The following FNIP1 variants were observed in gnomAD, a reference collection of about 807,000 sequenced individuals.
FNIP1 encodes the protein folliculin-interacting protein 1.
Under a neutral mutation model 124.5 loss-of-function variants are expected in FNIP1, and 40 were observed. The ratio of observed to expected loss-of-function variants is 0.32; its 90% CI spans 0.25 to 0.42. The LOEUF is 0.42. Among genes scored for constraint, FNIP1 ranks in the 10% least tolerant of loss-of-function variants. FNIP1 has a pLI of 1.00. For missense variants in FNIP1, 1,176 were observed against 1,403.7 expected (o/e 0.84, Z 2.59); for synonymous variants, 472 against 470.6 (o/e 1.00, Z -0.04).
chr5:131,770,106 C>T (rs1462618522), intron 1 of FNIP1, among the ~76,000 whole-genome samples: 1 of 152,178 alleles, frequency 6.6e-6, no homozygotes. Context: ...TATGTCCCAA[C>T]TCTGCTATTT....
At chr5:131,772,902 A>C (rs1771688264) in intron 1 of FNIP1, among the ~76,000 whole-genome samples, 1 of 152,132 alleles carries the variant, frequency 6.6e-6, no homozygotes, top group Admixed American at 6.5e-5. Flanking sequence ...TAAAACACAA[A>C]GCTGATTGTA....
intron 2 of FNIP1, among the ~76,000 whole-genome samples, chr5:131,731,967 TAATA>T (rs1770109077): frequency 6.6e-6 from 1 of 152,230 alleles, no homozygotes. Flanking sequence ...TATACTAATG[TAATA>T]AATAAAATTT....
intron 1 of FNIP1, among the ~76,000 whole-genome samples, chr5:131,747,751 G>C (rs898243832): frequency 4.0e-5 from 6 of 151,682 alleles, no homozygotes; most frequent in African/African-American, 1.5e-4. Context: ...ACAGACAACT[G>C]GTAAGAAAAA....
intron 11 of FNIP1, among the ~76,000 whole-genome samples, chr5:131,684,192 T>C (rs1768190055): frequency 6.6e-6 from 1 of 152,162 alleles, no homozygotes; most frequent in African/African-American, 2.4e-5. Context: ...TTGTTAACAG[T>C]ATGAGAATTA....
intron 1 of FNIP1, among the ~76,000 whole-genome samples, chr5:131,748,363 G>A (rs1008919136): frequency 3.3e-5 from 5 of 152,028 alleles, no homozygotes; most frequent in Admixed American, 1.3e-4. Flanking sequence ...AAGGTATTAC[G>A]GATACAATTA....
chr5:131,646,790 GT>G (rs1766896458), intron 17 of FNIP1, among the ~76,000 whole-genome samples: 1 of 152,180 alleles, frequency 6.6e-6, no homozygotes, highest in Non-Finnish European at 1.5e-5. Context: ...GGAATAATGA[GT>G]TTGCAACATA....
intron 1 of FNIP1, among the ~76,000 whole-genome samples, chr5:131,763,288 T>TACACACAC (rs34544569): frequency 0.024 from 3,534 of 148,398 alleles, 121 homozygotes; most frequent in African/African-American, 0.077. Context: ...CAAATGCAAA[T>TACACACAC]ACACACACAC....
intron 6 of FNIP1, among the ~76,000 whole-genome samples, chr5:131,713,187 G>A (rs1451564348): frequency 6.6e-6 from 1 of 152,124 alleles, no homozygotes; most frequent in Non-Finnish European, 1.5e-5. Flanking sequence ...GGGACTACAG[G>A]CGCCCGCCAC....
intron 1 of FNIP1, among the ~76,000 whole-genome samples, chr5:131,784,582 A>G (rs1772099842): frequency 6.6e-6 from 1 of 152,090 alleles, no homozygotes. Flanking sequence ...GCACTTTGGG[A>G]GGCCAAAATG....
At chr5:131,686,741 T>C (rs1304724211) in intron 11 of FNIP1, among the ~76,000 whole-genome samples, 1 of 152,218 alleles carries the variant, frequency 6.6e-6, no homozygotes, top group Non-Finnish European at 1.5e-5. Context: ...GTCACCCTGT[T>C]GTGCTATCAA....
At chr5:131,650,248 G>A (rs1177836959) in intron 16 of FNIP1, among the ~76,000 whole-genome samples, 1 of 152,228 alleles carries the variant, frequency 6.6e-6, no homozygotes, top group African/African-American at 2.4e-5. Flanking sequence ...TTCAATCCAT[G>A]AGCATGGGAA....
At chr5:131,661,314 G>A (rs935828643) in intron 15 of FNIP1, among the ~76,000 whole-genome samples, 2 of 150,218 alleles carry the variant, frequency 1.3e-5, no homozygotes, top group African/African-American at 2.4e-5. Context: ...GACCTAACTC[G>A]GAGAACCTTA....
rs1168870104 is a variant in FNIP1 at position 131,647,175 on chromosome 5, C to T, written c.3337G>A (p.Glu1113Lys). 1 of 1,614,146 alleles carries T rather than the reference C, an allele frequency of 6.2e-7. No individual in the cohort carries two copies. Among genetic ancestry groups the T allele is most frequent in the African/African-American group, 1.3e-5 (1 of 75,022 alleles). Residue 1113 changes from glutamate (E) to lysine (K), a missense_variant, in exon 17 of 18, where the codon GAG (glutamate) becomes AAG (lysine). Physicochemically the swap from Glu to Lys is moderately conservative, Grantham distance 56. Transcript: ENST00000510461. ...CVMHLEDRLQ[E>K]LYFKSKMLSE... ...AGCATTTTACTTTTGAAGTATAGCT[C>T]CTGCAACCGGTCTTCAAGATGCATT...
intron 1 of FNIP1, among the ~76,000 whole-genome samples, chr5:131,769,822 A>G (rs1028230252): frequency 7.2e-5 from 11 of 152,198 alleles, no homozygotes; most frequent in African/African-American, 2.7e-4. Context: ...ACTGCTTTTC[A>G]ATTCCTTTAT....
At chr5:131,771,771 C>T (rs919534108) in intron 1 of FNIP1, among the ~76,000 whole-genome samples, 2 of 152,122 alleles carry the variant, frequency 1.3e-5, no homozygotes, top group African/African-American at 4.8e-5. Context: ...GTTTCTTTCA[C>T]CTATTTATCT....
At position 131,659,649 on chromosome 5, in the gene FNIP1, C is replaced by T. The variant is rs115076289; in HGVS notation, c.3109-7650G>A. On this transcript the variant is annotated intron_variant, in intron 15 of 17. Transcript: ENST00000510461. ...ATGGGCACTGTGTGGGTGACTCCAT[C>T]GCTGGAGTCCATCACAATGCCAGTG... Among the ~76,000 whole-genome samples the T allele has an allele frequency of 6.0e-3, 910 of 152,290 alleles. 5 individuals are homozygous for T. Among genetic ancestry groups the T allele is most frequent in the African/African-American group, 0.021 (872 of 41,552 alleles).
At chr5:131,669,614 C>G (rs1767692180) in intron 15 of FNIP1, among the ~76,000 whole-genome samples, 1 of 151,804 alleles carries the variant, frequency 6.6e-6, no homozygotes, top group Admixed American at 6.6e-5. Flanking sequence ...TGAGAAAAAG[C>G]ATATGACAAA....
intron 8 of FNIP1, among the ~76,000 whole-genome samples, chr5:131,708,939 A>G (rs1447285153): frequency 1.3e-5 from 2 of 152,086 alleles, no homozygotes; most frequent in South Asian, 2.1e-4. Context: ...TTTCTGACCA[A>G]TGCTTTTCTT....
chr5:131,745,062 G>A (rs1203772995), intron 1 of FNIP1, among the ~76,000 whole-genome samples: 1 of 151,566 alleles, frequency 6.6e-6, no homozygotes, highest in Non-Finnish European at 1.5e-5. Context: ...ATATTTTTAA[G>A]TAGTTTTGTT....
Sources: allele counts gnomAD v4.1 joint callset (sites outside exome capture counted in the v4.1 genomes callset), GRCh38; gene constraint gnomAD v4.1.1; transcripts MANE v1.5; gene names NCBI Gene and HGNC (gene_info 2026-07-23, HGNC 2026-07-21).